Variants in CYRIA observed in about 807,000 individuals in gnomAD.
CYRIA encodes CYFIP related Rac1 interactor A.
CYRIA carries 15 observed loss-of-function variants against 43.9 expected under a neutral mutation model. The ratio of observed to expected loss-of-function variants is 0.34; its 90% CI spans 0.23 to 0.53. The LOEUF (loss-of-function observed/expected upper bound fraction) is 0.53, where lower values mean the gene tolerates loss of function less well. CYRIA is among the 20% of genes least tolerant of loss of function. CYRIA has a pLI of 0.94. For synonymous variants in CYRIA, 117 were observed against 136.0 expected (o/e 0.86, Z 0.97); for missense variants, 236 against 394.2 (o/e 0.60, Z 3.40).
chr2:16,643,395 G>A (rs941116179), intron 1 of CYRIA, among the ~76,000 whole-genome samples: 1 of 152,102 alleles, frequency 6.6e-6, no homozygotes, highest in Non-Finnish European at 1.5e-5. Flanking sequence ...CTTCAAGATG[G>A]GACAGTGTTG....
chr2:16,608,046 G>T (rs1236669831), intron 2 of CYRIA, among the ~76,000 whole-genome samples: 3 of 152,114 alleles, frequency 2.0e-5, no homozygotes, highest in Non-Finnish European at 2.9e-5. Flanking sequence ...TCTCTGACTG[G>T]CTGTCAGTGT....
intron 5 of CYRIA, 111 bp downstream of exon 5, chr2:16,563,878 A>G (rs1666835364): frequency 4.4e-6 from 3 of 679,216 alleles, no homozygotes; most frequent in Non-Finnish European, 5.0e-6. Context: ...CATTTGATAC[A>G]GTGGATGGAT....
At chr2:16,563,945 A>C (rs1666837262) in intron 5 of CYRIA, 44 bp downstream of exon 5, 2 of 1,440,974 alleles carry the variant, frequency 1.4e-6, no homozygotes, top group African/African-American at 2.8e-5. Flanking sequence ...ACATCAAAAC[A>C]GAACTCCGTA....
At chr2:16,593,731 T>G (rs1465425118) in intron 2 of CYRIA, among the ~76,000 whole-genome samples, 10 of 141,830 alleles carry the variant, frequency 7.1e-5, no homozygotes, top group African/African-American at 2.6e-4. Context: ...TTTTTTTTTT[T>G]TTTTTTTATT....
chr2:16,608,143 C>G (rs944780633), intron 2 of CYRIA, among the ~76,000 whole-genome samples: 29 of 152,130 alleles, frequency 1.9e-4, no homozygotes, highest in African/African-American at 7.0e-4. Context: ...TTTATGGCCA[C>G]TGAGATGGAT....
intron 2 of CYRIA, among the ~76,000 whole-genome samples, chr2:16,621,401 G>A (rs1413116333): frequency 6.6e-6 from 1 of 152,186 alleles, no homozygotes; most frequent in Non-Finnish European, 1.5e-5. Flanking sequence ...GGAGTCCTAA[G>A]AATGGGGCCC....
Position 16,551,163 on chromosome 2 carries a change from T to C in CYRIA, c.*1773A>G, listed in dbSNP as rs541516548. 1 of 152,294 alleles carries C rather than the reference T, an allele frequency of 6.6e-6. No individual in the cohort carries two copies. The highest frequency in any genetic ancestry group is 1.9e-4 in the East Asian group (1 of 5,168). The allele number at this position is 152,294 out of a possible 1,614,324, so 9.4% of individuals were successfully genotyped here. A position where few individuals can be genotyped will look rare whatever the true frequency, so the allele number is the denominator to read the frequency against. ...CAGGGAATCTTTCCTGTCACTTGGC[T>C]GAACTCCCTTGCTAAAACAACATAA... On this transcript the variant is annotated 3_prime_UTR_variant, in exon 12 of 12. Transcript: ENST00000381323.
At chr2:16,648,483 G>C (rs1669879889) in intron 1 of CYRIA, among the ~76,000 whole-genome samples, 1 of 152,200 alleles carries the variant, frequency 6.6e-6, no homozygotes, top group Non-Finnish European at 1.5e-5. Context: ...TGTGCCACTA[G>C]AGTTATTTGA....
At position 16,562,139 on chromosome 2, in the gene CYRIA, T is replaced by G. The variant is rs757674617; in HGVS notation, c.301A>C (p.Lys101Gln). 5 of 1,609,808 alleles carry G rather than the reference T, an allele frequency of 3.1e-6. No homozygotes were observed. The highest frequency in any genetic ancestry group is 4.2e-6 in the Non-Finnish European group (5 of 1,178,326). Residue 101 changes from lysine (K) to glutamine (Q), a missense_variant and splice_region_variant, in exon 6 of 12, where the codon AAA becomes CAA. Lys to Gln is a moderately conservative substitution (Grantham distance 53). Coordinates refer to ENST00000381323, the MANE Select transcript of CYRIA (RefSeq NM_030797.4). ...GATTCCAATAAACTCTGAAGAGCTT[T>G]TTCTGAAAATCAAAGGGATAAATAG... Reference protein sequence around the residue: ...RFYEFSIRLEKALQSLLESLT... With the variant: ...RFYEFSIRLEQALQSLLESLT...
At chr2:16,630,140 C>A (rs896196164) in intron 1 of CYRIA, among the ~76,000 whole-genome samples, 14 of 152,176 alleles carry the variant, frequency 9.2e-5, no homozygotes, top group African/African-American at 3.4e-4. Flanking sequence ...TACCAGCCCT[C>A]GCCCCACTCT....
intron 1 of CYRIA, among the ~76,000 whole-genome samples, chr2:16,656,852 G>A (rs768079933): frequency 2.0e-5 from 3 of 152,220 alleles, no homozygotes; most frequent in Non-Finnish European, 2.9e-5. Context: ...CGTCAGTGGC[G>A]TGAATGGCAG....
chr2:16,628,376 C>T (rs1287978829), intron 1 of CYRIA, among the ~76,000 whole-genome samples: 1 of 152,170 alleles, frequency 6.6e-6, no homozygotes, highest in Non-Finnish European at 1.5e-5. Flanking sequence ...GACTGTGAGG[C>T]CCCTGATCTC....
intron 1 of CYRIA, among the ~76,000 whole-genome samples, chr2:16,657,907 TAAACTTC>T: frequency 6.6e-6 from 1 of 152,318 alleles, no homozygotes; most frequent in Non-Finnish European, 1.5e-5. Flanking sequence ...CATGATGAAA[TAAACTTC>T]CCATTTTCAG....
intron 3 of CYRIA, among the ~76,000 whole-genome samples, chr2:16,587,042 A>G (rs528213605): frequency 4.7e-4 from 72 of 152,254 alleles, no homozygotes; most frequent in Non-Finnish European, 9.7e-4. Context: ...TTTTTCAGTC[A>G]TGATTCTTAA....
At chr2:16,583,859 A>G (rs1667635453) in intron 3 of CYRIA, among the ~76,000 whole-genome samples, 1 of 152,198 alleles carries the variant, frequency 6.6e-6, no homozygotes, top group East Asian at 1.9e-4. Flanking sequence ...AGTATATAGA[A>G]TGCACTGTAA....
intron 10 of CYRIA, among the ~76,000 whole-genome samples, chr2:16,557,830 G>A (rs1414854792): frequency 2.6e-5 from 4 of 152,132 alleles, no homozygotes; most frequent in Admixed American, 1.3e-4. Context: ...TCTGTGACAA[G>A]TTAACAAATG....
At chr2:16,634,542 T>C (rs1669433693) in intron 1 of CYRIA, among the ~76,000 whole-genome samples, 1 of 152,246 alleles carries the variant, frequency 6.6e-6, no homozygotes, top group Admixed American at 6.5e-5. Flanking sequence ...GAAAAGAAAC[T>C]TTCATTTAAC....
At chr2:16,586,446 A>G (rs551240900) in intron 3 of CYRIA, among the ~76,000 whole-genome samples, 8 of 152,262 alleles carry the variant, frequency 5.3e-5, no homozygotes, top group East Asian at 3.9e-4. Context: ...CCCATTTTAT[A>G]TATCAACTCG....
Position 16,562,044 on chromosome 2 carries a change from G to T in CYRIA, c.396C>A (p.Ala132=). The T allele has an allele frequency of 1.2e-6, 2 of 1,613,354 alleles. No individual in the cohort carries two copies. Among genetic ancestry groups the T allele is most frequent in the South Asian group, 2.2e-5 (2 of 91,000 alleles). ...ATCGAAGGGTAAAATGTAAAATTTCGGCAAACTCCTTTGCCAGGGCCTGTT... is the reference window on the plus strand; with the variant it reads ...ATCGAAGGGTAAAATGTAAAATTTCTGCAAACTCCTTTGCCAGGGCCTGTT... ...EREQALAKEF[A]EILHFTLRFD... The change falls in exon 6 of 12, where the codon GCC becomes GCA. Residue 132 remains alanine, a synonymous_variant. Transcript: ENST00000381323.
Sources: allele counts gnomAD v4.1 joint callset (sites outside exome capture counted in the v4.1 genomes callset), GRCh38; gene constraint gnomAD v4.1.1; transcripts MANE v1.5; gene names NCBI Gene and HGNC (gene_info 2026-07-23, HGNC 2026-07-21).